SMARCAL1: variants seen among roughly 807,000 people sequenced by gnomAD.
The protein encoded by SMARCAL1 is ATP-driven annealing helicase.
In SMARCAL1, 58 loss-of-function variants were observed where a neutral mutation model predicts 94.5. That is an observed-to-expected ratio of 0.61 (90% CI 0.50 to 0.76). The LOEUF (loss-of-function observed/expected upper bound fraction) is 0.76, where lower values mean the gene tolerates loss of function less well. SMARCAL1 is among the 30% of genes least tolerant of loss of function. The pLI is 0.00. For missense variants in SMARCAL1, 1,051 were observed against 1,177.9 expected (o/e 0.89, Z 1.58); for synonymous variants, 422 against 455.1 (o/e 0.93, Z 0.93).
chr2:216,431,378 A>C (rs952706302), intron 7 of SMARCAL1, among the ~76,000 whole-genome samples: 2 of 152,252 alleles, frequency 1.3e-5, no homozygotes, highest in Non-Finnish European at 2.9e-5. Flanking sequence ...CAGAGATTAG[A>C]TGAAAGAAGA....
chr2:216,461,331 T>C (rs925747976), intron 12 of SMARCAL1, among the ~76,000 whole-genome samples: 1 of 151,954 alleles, frequency 6.6e-6, no homozygotes, highest in African/African-American at 2.4e-5. Flanking sequence ...AATTTGAGTA[T>C]TTTTCTATAA....
intron 12 of SMARCAL1, among the ~76,000 whole-genome samples, chr2:216,459,280 A>G (rs1212629489): frequency 1.3e-5 from 2 of 152,238 alleles, no homozygotes; most frequent in Admixed American, 6.5e-5. Flanking sequence ...TATAGATTCA[A>G]TGCCGTCCCC....
chr2:216,477,248 C>A (rs1475028253), intron 16 of SMARCAL1, 39 bp downstream of exon 16: 1 of 1,404,420 alleles, frequency 7.1e-7, no homozygotes, highest in South Asian at 1.2e-5. Flanking sequence ...TGGAGTCGAG[C>A]AAGGGTGGAA....
At chr2:216,449,649 C>T (rs530328421) in intron 11 of SMARCAL1, among the ~76,000 whole-genome samples, 23 of 152,296 alleles carry the variant, frequency 1.5e-4, no homozygotes, top group African/African-American at 5.5e-4. Flanking sequence ...ATGCTAGGCT[C>T]TCTAGCCCTC....
At chr2:216,474,858 G>A (rs976992864) in intron 14 of SMARCAL1, among the ~76,000 whole-genome samples, 1 of 152,186 alleles carries the variant, frequency 6.6e-6, no homozygotes, top group Non-Finnish European at 1.5e-5. Flanking sequence ...AAGGATCCTT[G>A]CAATGTTGGA....
At chr2:216,468,971 C>G (rs1011107524) in intron 14 of SMARCAL1, among the ~76,000 whole-genome samples, 5 of 152,122 alleles carry the variant, frequency 3.3e-5, no homozygotes, top group Non-Finnish European at 7.4e-5. Context: ...CCTCGGCCTC[C>G]CAGAGTGCTT....
intron 14 of SMARCAL1, among the ~76,000 whole-genome samples, chr2:216,474,945 T>C (rs953583066): frequency 2.6e-5 from 4 of 152,104 alleles, no homozygotes; most frequent in African/African-American, 9.7e-5. Flanking sequence ...AACACACACA[T>C]ACAGTAAAAC....
chr2:216,420,069 T>TA (rs756614344), intron 4 of SMARCAL1, among the ~76,000 whole-genome samples: 5 of 150,324 alleles, frequency 3.3e-5, no homozygotes, highest in Non-Finnish European at 3.0e-5. Context: ...AAGAAAAACT[T>TA]ACGGAGATGG....
intron 10 of SMARCAL1, 73 bp from the exon 11 acceptor site, chr2:216,446,945 C>T: frequency 1.3e-6 from 2 of 1,590,380 alleles, no homozygotes; most frequent in East Asian, 2.2e-5. Flanking sequence ...GCTCCTCCCT[C>T]ACTGGGGCAT....
At chr2:216,479,326 A>G (rs1315347908) in intron 17 of SMARCAL1, 1 of 151,954 alleles carries the variant, frequency 6.6e-6, no homozygotes, top group Non-Finnish European at 1.5e-5. Context: ...AGTCCCAGCT[A>G]CTCCAGAGGA....
intron 12 of SMARCAL1, among the ~76,000 whole-genome samples, chr2:216,456,085 G>A (rs577288703): frequency 3.8e-4 from 58 of 152,322 alleles, no homozygotes; most frequent in African/African-American, 1.4e-3. Context: ...TGATCAACTG[G>A]AAGAAAGGGT....
At chr2:216,456,320 A>G (rs1406257042) in intron 12 of SMARCAL1, among the ~76,000 whole-genome samples, 1 of 152,236 alleles carries the variant, frequency 6.6e-6, no homozygotes, top group Non-Finnish European at 1.5e-5. Flanking sequence ...GCAGGCCAAC[A>G]TTCAAATTCA....
chr2:216,470,430 C>T (rs577019268), intron 14 of SMARCAL1, among the ~76,000 whole-genome samples: 1 of 152,088 alleles, frequency 6.6e-6, no homozygotes, highest in South Asian at 2.1e-4. Context: ...GCTGGGATTA[C>T]AGATGTGAGC....
intron 10 of SMARCAL1, among the ~76,000 whole-genome samples, chr2:216,443,100 C>T (rs185837929): frequency 2.6e-5 from 4 of 152,120 alleles, no homozygotes; most frequent in South Asian, 4.2e-4. Context: ...TACCTTAGGC[C>T]GGGCGCAGTG....
In SMARCAL1 at chr2:216,414,763, CT is replaced by C; in HGVS notation, c.60del (p.Leu21TrpfsTer45). On this transcript the variant is annotated frameshift_variant, in exon 3 of 18. Transcript: ENST00000357276. LOFTEE classifies it high-confidence loss of function. ...RKKIEENRQK[A>X]LARRAEKLLA... ...AAGATTGAAGAGAATCGACAAAAGG[CT>C]CTGGCCCGCAGAGCTGAGAAGTTAT... The C allele has an allele frequency of 6.2e-7, 1 of 1,614,242 alleles. No individual in the cohort carries two copies. Among genetic ancestry groups the C allele is most frequent in the Non-Finnish European group, 8.5e-7 (1 of 1,180,052 alleles).
At chr2:216,428,534 T>A in intron 6 of SMARCAL1, 62 bp from the exon 7 acceptor site, 1 of 1,522,836 alleles carries the variant, frequency 6.6e-7, no homozygotes, top group Non-Finnish European at 9.1e-7. Context: ...CCAAAGCTCC[T>A]CTTTCTCCAA....
At position 216,415,143 on chromosome 2, in the gene SMARCAL1, C is replaced by T. The variant is rs1344618220; in HGVS notation, c.439C>T (p.His147Tyr). ...QLLSYELGQG[H>Y]AQASPEIRFT... is the part of the protein sequence containing the mutation. ...CTTGAGTTATGAGTTAGGTCAAGGT[C>T]ATGCTCAGGCTTCACCTGAGATCAG... Residue 147 changes from histidine (H) to tyrosine (Y), a missense_variant, in exon 3 of 18, where the codon CAT becomes TAT. His to Tyr is a moderately conservative substitution (Grantham distance 83). Transcript: ENST00000357276. The T allele has an allele frequency of 6.2e-7, 1 of 1,612,678 alleles. No individual in the cohort carries two copies. Among genetic ancestry groups the T allele is most frequent in the Admixed American group, 1.7e-5 (1 of 59,866 alleles).
In SMARCAL1 at chr2:216,446,158, G is replaced by T. The variant is rs199892124; in HGVS notation, c.1711-860G>T. 2.2e-4 allele frequency among the ~76,000 whole-genome samples: 34 copies of T among 152,168 alleles called. No homozygotes were observed. The East Asian group carries it at 5.4e-3, about 24-fold the overall frequency. Reference sequence around the variant, plus strand: ...CCTCTTTCCCATCTTAATAATAGGAGGTGGGATCTTTGGGTCTGATGCCCA... The same window carrying T: ...CCTCTTTCCCATCTTAATAATAGGATGTGGGATCTTTGGGTCTGATGCCCA... On this transcript the variant is annotated intron_variant, in intron 10 of 17. Transcript: ENST00000357276.
intron 8 of SMARCAL1, among the ~76,000 whole-genome samples, chr2:216,435,028 T>C (rs1331555807): frequency 6.6e-6 from 1 of 151,872 alleles, no homozygotes; most frequent in Admixed American, 6.6e-5. Flanking sequence ...CCAGCTAATT[T>C]TGTATTTTTA....
Sources: allele counts gnomAD v4.1 joint callset (sites outside exome capture counted in the v4.1 genomes callset), GRCh38; gene constraint gnomAD v4.1.1; transcripts MANE v1.5; gene names NCBI Gene and HGNC (gene_info 2026-07-23, HGNC 2026-07-21).